Variants in ATP8A1 observed in about 807,000 individuals in gnomAD.
The protein encoded by ATP8A1 is phospholipid-transporting ATPase IA.
ATP8A1 carries 90 observed loss-of-function variants against 177.7 expected under a neutral mutation model. The ratio of observed to expected loss-of-function variants is 0.51; its 90% CI spans 0.43 to 0.60. The LOEUF is 0.60. ATP8A1 is among the 20% of genes least tolerant of loss of function. ATP8A1 has a pLI of 0.00. For missense variants in ATP8A1, 1,072 were observed against 1,392.8 expected (o/e 0.77, Z 3.67); for synonymous variants, 493 against 485.9 (o/e 1.01, Z -0.19).
At chr4:42,489,254 T>A (rs1376182583) in intron 24 of ATP8A1, among the ~76,000 whole-genome samples, 1 of 152,208 alleles carries the variant, frequency 6.6e-6, no homozygotes, top group African/African-American at 2.4e-5. Context: ...AAAGCTCAGC[T>A]GCAAAACAAG....
intron 22 of ATP8A1, among the ~76,000 whole-genome samples, chr4:42,510,611 C>G (rs574354726): frequency 4.5e-4 from 68 of 151,962 alleles, no homozygotes; most frequent in African/African-American, 1.6e-3. Context: ...AATATGTTTC[C>G]CAAAACACTG....
chr4:42,550,864 G>C (rs1348594332), intron 18 of ATP8A1, among the ~76,000 whole-genome samples: 1 of 152,168 alleles, frequency 6.6e-6, no homozygotes, highest in Non-Finnish European at 1.5e-5. Flanking sequence ...ACTTGGGCCT[G>C]AGTATTTAAC....
At chr4:42,632,583 T>C (rs182223757) in intron 1 of ATP8A1, among the ~76,000 whole-genome samples, 2 of 152,324 alleles carry the variant, frequency 1.3e-5, no homozygotes, top group African/African-American at 4.8e-5. Context: ...ACTGAATATG[T>C]TAATAAGATT....
At chr4:42,622,957 C>T (rs1274195283) in intron 4 of ATP8A1, among the ~76,000 whole-genome samples, 4 of 149,322 alleles carry the variant, frequency 2.7e-5, no homozygotes, top group Non-Finnish European at 4.4e-5. Flanking sequence ...TGCAGTGAGC[C>T]GAGATCGCAC....
chr4:42,536,850 G>A (rs536379880), intron 20 of ATP8A1, among the ~76,000 whole-genome samples: 9 of 152,174 alleles, frequency 5.9e-5, no homozygotes, highest in East Asian at 1.9e-4. Flanking sequence ...AACCAGGCCC[G>A]GCATGGTGGC....
chr4:42,495,745 G>A (rs905599283), intron 24 of ATP8A1, among the ~76,000 whole-genome samples: 2 of 151,910 alleles, frequency 1.3e-5, no homozygotes, highest in Admixed American at 1.3e-4. Flanking sequence ...TTTCCAAAAC[G>A]GGTAAGGCAG....
chr4:42,422,504 C>T (rs901329449), intron 35 of ATP8A1, among the ~76,000 whole-genome samples: 2 of 152,178 alleles, frequency 1.3e-5, no homozygotes, highest in Non-Finnish European at 2.9e-5. Flanking sequence ...TCATTAAAGA[C>T]TTTGCACTAT....
At chr4:42,460,710 G>A (rs1051812383) in intron 27 of ATP8A1, among the ~76,000 whole-genome samples, 15 of 152,218 alleles carry the variant, frequency 9.9e-5, no homozygotes, top group African/African-American at 2.6e-4. Context: ...TTTGACAGAC[G>A]TGTAGAAACA....
chr4:42,578,196 A>G, intron 12 of ATP8A1, 64 bp downstream of exon 12: 1 of 1,409,348 alleles, frequency 7.1e-7, no homozygotes, highest in Admixed American at 2.5e-5. Context: ...TTCTCCTGAG[A>G]TATCAAAATA....
chr4:42,547,577 A>G (rs946547469), intron 19 of ATP8A1, among the ~76,000 whole-genome samples: 2 of 152,230 alleles, frequency 1.3e-5, no homozygotes, highest in Non-Finnish European at 2.9e-5. Context: ...AGACTACTTA[A>G]TGACAGTCTA....
intron 5 of ATP8A1, among the ~76,000 whole-genome samples, chr4:42,614,921 C>T (rs34639626): frequency 6.6e-6 from 1 of 152,210 alleles, no homozygotes; most frequent in East Asian, 1.9e-4. Context: ...AGATACACCA[C>T]AGTTTTCTCT....
chr4:42,553,335 G>A lies in ATP8A1; in HGVS notation c.1414-725C>T, dbSNP rs186142107. 4.9e-4 allele frequency among the ~76,000 whole-genome samples: 74 copies of A among 152,214 alleles called. 1 individual carries two copies. The highest frequency in any genetic ancestry group is 1.7e-3 in the African/African-American group (69 of 41,528). On this transcript the variant is annotated intron_variant, in intron 16 of 36. Coordinates refer to ENST00000381668, the MANE Select transcript of ATP8A1 (RefSeq NM_006095.2). ...TTACTGCACTGGGGTTATACTTTGC[G>A]TTGGGGTGATAATGATTGAGGATTT...
intron 1 of ATP8A1, among the ~76,000 whole-genome samples, chr4:42,633,176 A>T (rs147518673): frequency 1.3e-5 from 2 of 152,328 alleles, no homozygotes; most frequent in Admixed American, 6.5e-5. Flanking sequence ...GTTGCCAACA[A>T]CTACCTGGCA....
Position 42,456,351 on chromosome 4 carries a change from GTCT to G in ATP8A1, c.2620-755_2620-753del, listed in dbSNP as rs1400952272. On this transcript the variant is annotated intron_variant, in intron 27 of 36. Transcript: ENST00000381668. ...AGGTGGAATAGGTCAAAGTACATGA[GTCT>G]TCTTAATAGTTCTTGATAACCACTG... Among the ~76,000 whole-genome samples the G allele has an allele frequency of 3.3e-5, 5 of 152,026 alleles. No individual in the cohort carries two copies. In the South Asian group the frequency reaches 6.2e-4, roughly 19 times the overall value.
intron 25 of ATP8A1, among the ~76,000 whole-genome samples, chr4:42,471,044 T>C (rs552413197): frequency 1.1e-3 from 170 of 152,208 alleles, no homozygotes; most frequent in African/African-American, 3.5e-3. Context: ...AAATTTCACA[T>C]TGAGAAAAAA....
At chr4:42,490,970 A>T (rs912594714) in intron 24 of ATP8A1, among the ~76,000 whole-genome samples, 15 of 152,156 alleles carry the variant, frequency 9.9e-5, no homozygotes, top group Admixed American at 9.2e-4. Flanking sequence ...ATTATTAATG[A>T]TTGGAGAATA....
intron 10 of ATP8A1, among the ~76,000 whole-genome samples, 177 bp from the exon 11 acceptor site, chr4:42,580,155 T>C (rs1732887375): frequency 6.6e-6 from 1 of 152,198 alleles, no homozygotes; most frequent in Admixed American, 6.5e-5. Context: ...TAACCACCTT[T>C]TTTTCAAGGC....
chr4:42,527,047 T>A (rs2153200179), intron 20 of ATP8A1, among the ~76,000 whole-genome samples: 1 of 152,344 alleles, frequency 6.6e-6, no homozygotes, highest in Middle Eastern at 3.4e-3. Flanking sequence ...CCAAGGAACA[T>A]AATGAAGCTG....
intron 33 of ATP8A1, among the ~76,000 whole-genome samples, chr4:42,441,586 G>A (rs751964688): frequency 6.6e-6 from 1 of 152,098 alleles, no homozygotes; most frequent in African/African-American, 2.4e-5. Context: ...TTACCTCGGA[G>A]AATCTGAGTG....
Sources: allele counts gnomAD v4.1 joint callset (sites outside exome capture counted in the v4.1 genomes callset), GRCh38; gene constraint gnomAD v4.1.1; transcripts MANE v1.5; gene names NCBI Gene and HGNC (gene_info 2026-07-23, HGNC 2026-07-21).